Variants in SLC4A10 observed in about 807,000 individuals in gnomAD.
The protein encoded by SLC4A10 is solute carrier family 4 member 10.
SLC4A10 carries 42 observed loss-of-function variants against 137.7 expected under a neutral mutation model. The observed-to-expected ratio is 0.30, with a 90% CI of 0.24 to 0.39. The LOEUF is 0.39. Ranked by LOEUF, SLC4A10 falls within the 10% of genes least tolerant of loss-of-function variation. SLC4A10 has a pLI of 1.00. For synonymous variants in SLC4A10, 474 were observed against 464.1 expected, an observed-to-expected ratio of 1.02 and a Z score of -0.27; for missense variants, 925 against 1,355.0, an observed-to-expected ratio of 0.68 and a Z score of 4.98.
chr2:161,630,927 T>C (rs1485710712), intron 1 of SLC4A10, among the ~76,000 whole-genome samples: 1 of 151,690 alleles, frequency 6.6e-6, no homozygotes, highest in Non-Finnish European at 1.5e-5. Flanking sequence ...TTGTCTCCCT[T>C]AACGCTAATT....
intron 21 of SLC4A10, among the ~76,000 whole-genome samples, chr2:161,959,840 T>C (rs1296217754): frequency 1.3e-5 from 2 of 152,328 alleles, no homozygotes; most frequent in East Asian, 3.9e-4. Flanking sequence ...CACAAGTGTA[T>C]TCTAAATTTT....
chr2:161,965,262 G>T, intron 23 of SLC4A10, 89 bp downstream of exon 23: 1 of 1,390,054 alleles, frequency 7.2e-7, no homozygotes. Context: ...TTTATCTTTA[G>T]ACAGTTTTGT....
At chr2:161,796,984 T>C (rs965921212) in intron 2 of SLC4A10, among the ~76,000 whole-genome samples, 1 of 152,162 alleles carries the variant, frequency 6.6e-6, no homozygotes, top group Non-Finnish European at 1.5e-5. Flanking sequence ...GTTCAGAATT[T>C]ATAATTTAAT....
intron 1 of SLC4A10, among the ~76,000 whole-genome samples, chr2:161,673,329 G>T (rs1232547882): frequency 6.6e-6 from 1 of 152,150 alleles, no homozygotes; most frequent in East Asian, 1.9e-4. Flanking sequence ...GTTTCATCAG[G>T]TCAGGGTGTA....
chr2:161,928,791 A>G (rs1226245050), intron 15 of SLC4A10, among the ~76,000 whole-genome samples: 1 of 152,016 alleles, frequency 6.6e-6, no homozygotes, highest in African/African-American at 2.4e-5. Context: ...CTATTAAACT[A>G]GAAAATCCAC....
At chr2:161,925,454 T>C (rs1478474804) in intron 15 of SLC4A10, among the ~76,000 whole-genome samples, 1 of 152,170 alleles carries the variant, frequency 6.6e-6, no homozygotes, top group Admixed American at 6.5e-5. Context: ...TCTTCTTTAT[T>C]AGTCTTCCTA....
intron 1 of SLC4A10, among the ~76,000 whole-genome samples, chr2:161,758,104 A>G (rs1322114041): frequency 1.3e-5 from 2 of 151,874 alleles, no homozygotes; most frequent in Non-Finnish European, 2.9e-5. Context: ...TAGTATTTGT[A>G]TAATTAAGAA....
At chr2:161,876,538 G>A (rs1328572207) in intron 8 of SLC4A10, among the ~76,000 whole-genome samples, 1 of 151,974 alleles carries the variant, frequency 6.6e-6, no homozygotes, top group East Asian at 1.9e-4. Context: ...AAATCAGCCA[G>A]GCATGGTGGC....
intron 1 of SLC4A10, among the ~76,000 whole-genome samples, chr2:161,767,988 A>G (rs2051110235): frequency 6.6e-6 from 1 of 152,084 alleles, no homozygotes; most frequent in East Asian, 1.9e-4. Context: ...CTTAGATCAG[A>G]GTCATATTCT....
chr2:161,653,066 T>G (rs922502648), intron 1 of SLC4A10, among the ~76,000 whole-genome samples: 3 of 152,130 alleles, frequency 2.0e-5, no homozygotes, highest in Admixed American at 2.0e-4. Flanking sequence ...GTTTTCTCAT[T>G]GTTCAACTCC....
At chr2:161,637,555 T>C (rs914866505) in intron 1 of SLC4A10, among the ~76,000 whole-genome samples, 1 of 152,082 alleles carries the variant, frequency 6.6e-6, no homozygotes, top group African/African-American at 2.4e-5. Context: ...TTAATTTGAC[T>C]CCATGTCTTG....
intron 1 of SLC4A10, among the ~76,000 whole-genome samples, chr2:161,748,307 T>A (rs1341428750): frequency 3.3e-5 from 5 of 152,148 alleles, no homozygotes; most frequent in Non-Finnish European, 7.4e-5. Flanking sequence ...TTTTGCTTTC[T>A]TGCCTAAGCT....
intron 1 of SLC4A10, among the ~76,000 whole-genome samples, chr2:161,627,379 T>A (rs1222671603): frequency 6.6e-6 from 1 of 151,930 alleles, no homozygotes; most frequent in Non-Finnish European, 1.5e-5. Context: ...GGAGAGCCAA[T>A]TGGACAGGCA....
chr2:161,893,444 C>A (rs1475381408), intron 10 of SLC4A10, among the ~76,000 whole-genome samples: 1 of 152,074 alleles, frequency 6.6e-6, no homozygotes, highest in Non-Finnish European at 1.5e-5. Flanking sequence ...CACCTATAAT[C>A]CCAGCACTTT....
chr2:161,821,701 A>G (rs914392335), intron 3 of SLC4A10, among the ~76,000 whole-genome samples: 2 of 152,180 alleles, frequency 1.3e-5, no homozygotes, highest in African/African-American at 4.8e-5. Flanking sequence ...ATGTAATACT[A>G]TTTTAAGGTG....
At chr2:161,765,345 G>A (rs1301861731) in intron 1 of SLC4A10, among the ~76,000 whole-genome samples, 2 of 152,020 alleles carry the variant, frequency 1.3e-5, no homozygotes, top group Admixed American at 6.6e-5. Flanking sequence ...GGTGGCTCAC[G>A]CCTGTAATCT....
At chr2:161,874,890 G>A (rs2125935638) in intron 8 of SLC4A10, among the ~76,000 whole-genome samples, 1 of 152,324 alleles carries the variant, frequency 6.6e-6, no homozygotes, top group Non-Finnish European at 1.5e-5. Context: ...AGAGGGAGGT[G>A]CTGGAACAGT....
intron 3 of SLC4A10, among the ~76,000 whole-genome samples, chr2:161,836,743 C>G (rs754548554): frequency 3.8e-4 from 57 of 151,054 alleles, no homozygotes; most frequent in Admixed American, 9.2e-4. Flanking sequence ...CAAAACAAAA[C>G]CCCAAATCCC....
At chr2:161,875,580 G>A (rs1172217673) in intron 8 of SLC4A10, among the ~76,000 whole-genome samples, 1 of 152,188 alleles carries the variant, frequency 6.6e-6, no homozygotes, top group Non-Finnish European at 1.5e-5. Flanking sequence ...AAAAGCAGAT[G>A]TGTCAAAGCA....
Sources: allele counts gnomAD v4.1 joint callset (sites outside exome capture counted in the v4.1 genomes callset), GRCh38; gene constraint gnomAD v4.1.1; transcripts MANE v1.5; gene names NCBI Gene and HGNC (gene_info 2026-07-23, HGNC 2026-07-21).